Variants in SPAG9 observed in about 807,000 individuals in gnomAD.
The protein encoded by SPAG9 is C-Jun-amino-terminal kinase-interacting protein 4.
A neutral mutation model predicts 166.5 loss-of-function variants in SPAG9; 35 were observed. The ratio of observed to expected loss-of-function variants is 0.21; its 90% CI spans 0.16 to 0.28. The LOEUF is 0.28. Ranked by LOEUF, SPAG9 falls within the 10% of genes least tolerant of loss-of-function variation. The probability of loss-of-function intolerance (pLI) is 1.00; values close to 1 mark genes in which losing one functional copy is unlikely to be tolerated. For synonymous variants in SPAG9, 534 were observed against 565.5 expected (o/e 0.94, Z 0.79); for missense variants, 1,235 against 1,603.3 (o/e 0.77, Z 3.92).
At chr17:51,075,612 C>T (rs2047948563) in intron 2 of SPAG9, among the ~76,000 whole-genome samples, 2 of 152,052 alleles carry the variant, frequency 1.3e-5, no homozygotes, top group Non-Finnish European at 2.9e-5. Context: ...TCACTTGAGA[C>T]CAGGAGTTCG....
At chr17:51,110,626 T>C (rs2049081660) in intron 1 of SPAG9, among the ~76,000 whole-genome samples, 1 of 152,082 alleles carries the variant, frequency 6.6e-6, no homozygotes, top group South Asian at 2.1e-4. Context: ...GAGGCAACAG[T>C]TGCAGTGAGC....
At chr17:51,000,850 C>CACT (rs1445337080) in intron 13 of SPAG9, among the ~76,000 whole-genome samples, 1 of 152,144 alleles carries the variant, frequency 6.6e-6, no homozygotes, top group Admixed American at 6.6e-5. Flanking sequence ...CCACTAAATA[C>CACT]TGCAGTTAAG....
rs548775741 is a variant in SPAG9 at position 51,053,502 on chromosome 17, C to T, written c.495+2910G>A. On this transcript the variant is annotated intron_variant, in intron 3 of 29. Coordinates refer to ENST00000262013, the MANE Select transcript of SPAG9 (RefSeq NM_001130528.3). ...AAGTTTGAGACCAGCCTGACCAACA[C>T]GGGAAAACCCCACCTCTACTAAAAA... Among the ~76,000 whole-genome samples the T allele has an allele frequency of 1.3e-4, 20 of 152,080 alleles. No individual in the cohort carries two copies. The East Asian group carries it at 1.4e-3, about 10-fold the overall frequency.
intron 26 of SPAG9, among the ~76,000 whole-genome samples, chr17:50,978,403 A>G (rs369024254): frequency 6.6e-6 from 1 of 152,202 alleles, no homozygotes; most frequent in East Asian, 1.9e-4. Context: ...AAATGGTTGA[A>G]AACCACTGAT....
intron 2 of SPAG9, among the ~76,000 whole-genome samples, chr17:51,065,231 C>G (rs1164099426): frequency 6.6e-6 from 1 of 152,068 alleles, no homozygotes; most frequent in Non-Finnish European, 1.5e-5. Context: ...CAGGGTCTCG[C>G]TATTTTGCCC....
intron 3 of SPAG9, among the ~76,000 whole-genome samples, chr17:51,053,214 AAAATTAT>A (rs1488992318): frequency 6.6e-6 from 1 of 150,470 alleles, no homozygotes; most frequent in African/African-American, 2.4e-5. Flanking sequence ...ATATATTTAT[AAAATTAT>A]AAATTATAAA....
chr17:51,110,238 G>A (rs2049067600), intron 1 of SPAG9, among the ~76,000 whole-genome samples: 2 of 152,082 alleles, frequency 1.3e-5, no homozygotes, highest in Non-Finnish European at 2.9e-5. Context: ...CACATATACA[G>A]ACAGATAAAT....
In SPAG9 at chr17:50,987,228, T is replaced by G. The variant is rs1175355853; in HGVS notation, c.2823A>C (p.Ser941=). 1.2e-6 allele frequency: 2 copies of G among 1,606,912 alleles called. No individual in the cohort carries two copies. Among genetic ancestry groups the G allele is most frequent in the Admixed American group, 1.7e-5 (1 of 58,378 alleles). ...CTGATATTTGATCTTTATATGCATC[T>G]GAGTCATTGCTGGAAAGGGAGGGCA... The part of the protein sequence containing the change: ...LSPVYQSSND[S]DAYKDQISVL... Residue 941 remains serine (S), a synonymous_variant, in exon 22 of 30, where the codon TCA becomes TCC. Coordinates refer to ENST00000262013, the MANE Select transcript of SPAG9 (RefSeq NM_001130528.3).
At position 50,979,707 on chromosome 17, in the gene SPAG9, C is replaced by G. The variant is rs373737519; in HGVS notation, c.3409+39G>C. On this transcript the variant is annotated intron_variant, in intron 26 of 29. Coordinates refer to ENST00000262013, the MANE Select transcript of SPAG9 (RefSeq NM_001130528.3). ...ACATAGATAGATAAAATAAAACACC[C>G]TCTTTGACTGGTAAAGATAAAACGC... The G allele has an allele frequency of 2.5e-5, 40 of 1,581,518 alleles. No homozygotes were observed. The African/African-American group carries it at 4.9e-4, about 19-fold the overall frequency.
In SPAG9 at chr17:50,970,742, A is replaced by C; in HGVS notation, c.3815T>G (p.Ile1272Ser). 4.3e-6 allele frequency: 7 copies of C among 1,614,108 alleles called. No homozygotes were observed. Among genetic ancestry groups the C allele is most frequent in the Non-Finnish European group, 5.9e-6 (7 of 1,180,006 alleles). ...SQTPLKSMLV[I>S]SGGEGYIDFR... is the part of the protein sequence containing the mutation. ...GTCGATGTAGCCCTCTCCTCCACTGATGACAAGCATAGACTTCAAGGGCGT... is the reference window on the plus strand; with the variant it reads ...GTCGATGTAGCCCTCTCCTCCACTGCTGACAAGCATAGACTTCAAGGGCGT... The change falls in exon 29 of 30, where the codon ATC (isoleucine) becomes AGC (serine). Residue 1272 changes from isoleucine (I) to serine (S), a missense_variant. Physicochemically the swap from Ile to Ser is moderately radical, Grantham distance 142 (BLOSUM62 -2). Coordinates refer to ENST00000262013, the MANE Select transcript of SPAG9 (RefSeq NM_001130528.3).
At chr17:51,053,890 T>TATATATATAA (rs2047277182) in intron 3 of SPAG9, among the ~76,000 whole-genome samples, 1 of 107,322 alleles carries the variant, frequency 9.3e-6, no homozygotes, top group East Asian at 2.7e-4. Flanking sequence ...TATATATATA[T>TATATATATAA]ATATATATAA....
intron 1 of SPAG9, among the ~76,000 whole-genome samples, chr17:51,086,299 GT>G (rs1473459490): frequency 6.7e-6 from 1 of 149,602 alleles, no homozygotes; most frequent in Non-Finnish European, 1.5e-5. Context: ...AATTTTAAAT[GT>G]GTATTAAGTC....
chr17:51,032,621 C>G (rs2046424228), intron 5 of SPAG9, among the ~76,000 whole-genome samples: 1 of 152,122 alleles, frequency 6.6e-6, no homozygotes, highest in African/African-American at 2.4e-5. Flanking sequence ...AGGCTGCTAG[C>G]TCTCAGTTAT....
At chr17:51,037,722 A>G (rs113659428) in intron 5 of SPAG9, among the ~76,000 whole-genome samples, 2,950 of 108,214 alleles carry the variant, frequency 0.027, 100 homozygotes, top group African/African-American at 0.089. Context: ...GTGTGTGTGT[A>G]TAAACATTTT....
chr17:50,990,762 C>A, intron 19 of SPAG9, 94 bp from the exon 20 acceptor site: 5 of 940,202 alleles, frequency 5.3e-6, no homozygotes, highest in Non-Finnish European at 8.2e-6. Flanking sequence ...GAGAGTTATG[C>A]AGGTGAGATG....
chr17:51,013,281 T>C (rs1183943274), intron 9 of SPAG9, among the ~76,000 whole-genome samples: 1 of 152,218 alleles, frequency 6.6e-6, no homozygotes, highest in Non-Finnish European at 1.5e-5. Context: ...TAGTTTTTAA[T>C]TTCTATAGGG....
At chr17:50,982,389 C>A in intron 25 of SPAG9, 135 bp downstream of exon 25, 1 of 733,078 alleles carries the variant, frequency 1.4e-6, no homozygotes, top group Non-Finnish European at 2.2e-6. Flanking sequence ...CTAAGATATT[C>A]AAATACATTA....
At chr17:51,105,610 C>A (rs1361036871) in intron 1 of SPAG9, among the ~76,000 whole-genome samples, 1 of 151,232 alleles carries the variant, frequency 6.6e-6, no homozygotes, top group Non-Finnish European at 1.5e-5. Context: ...GTGGCTCAAG[C>A]CTGTAATCCC....
chr17:51,118,111 G>A (rs2049348074), intron 1 of SPAG9, among the ~76,000 whole-genome samples: 1 of 151,148 alleles, frequency 6.6e-6, no homozygotes, highest in South Asian at 2.1e-4. Context: ...CTCCAGCCTG[G>A]CGACAGAGAG....
Sources: gnomAD v4.1 joint callset for allele counts (sites outside exome capture counted in the v4.1 genomes callset) on GRCh38, gnomAD v4.1.1 for gene constraint, MANE v1.5 for transcripts, NCBI Gene and HGNC (gene_info 2026-07-23, HGNC 2026-07-21) for gene names.